Variants in IP6K2 observed in about 807,000 individuals in gnomAD.
IP6K2 encodes ATP:1D-myo-inositol-hexakisphosphate phosphotransferase.
In IP6K2, 9 loss-of-function variants were observed where a neutral mutation model predicts 43.3. The ratio of observed to expected loss-of-function variants is 0.21; its 90% CI spans 0.13 to 0.36. IP6K2 has a LOEUF of 0.36. IP6K2 is among the 10% of genes least tolerant of loss of function. The pLI is 1.00. For missense variants in IP6K2, 332 were observed against 538.4 expected, an observed-to-expected ratio of 0.62 and a Z score of 3.79; for synonymous variants, 209 against 202.4, an observed-to-expected ratio of 1.03 and a Z score of -0.28.
chr3:48,703,181 C>T (rs567736243), intron 1 of IP6K2, among the ~76,000 whole-genome samples: 1 of 152,138 alleles, frequency 6.6e-6, no homozygotes, highest in East Asian at 1.9e-4. Flanking sequence ...CAAACAAAAC[C>T]CAAGTTCTTA....
chr3:48,710,223 C>T (rs2080324934), intron 1 of IP6K2, among the ~76,000 whole-genome samples: 1 of 152,056 alleles, frequency 6.6e-6, no homozygotes, highest in South Asian at 2.1e-4. Context: ...CCTGTCTTCA[C>T]AAAAAATGTT....
chr3:48,698,173 C>G (rs987633764), intron 1 of IP6K2, among the ~76,000 whole-genome samples: 1 of 152,162 alleles, frequency 6.6e-6, no homozygotes, highest in South Asian at 2.1e-4. Context: ...CCACACAAGC[C>G]TTTTCTCTAG....
At chr3:48,693,987 T>TATGTG in intron 2 of IP6K2, 3 of 1,374,836 alleles carry the variant, frequency 2.2e-6, no homozygotes, top group South Asian at 1.8e-5. Flanking sequence ...GACGAGCGCC[T>TATGTG]TACAAACGAC....
At chr3:48,694,003 GAACACCT>G in intron 2 of IP6K2, 1 of 1,386,918 alleles carries the variant, frequency 7.2e-7, no homozygotes, top group East Asian at 2.9e-5. Context: ...ACGACTGGCT[GAACACCT>G]TTCCTCCCAG....
intron 1 of IP6K2, among the ~76,000 whole-genome samples, chr3:48,702,395 C>G (rs1029884278): frequency 6.6e-5 from 10 of 151,306 alleles, no homozygotes; most frequent in African/African-American, 2.4e-4. Flanking sequence ...CCAGATATCC[C>G]CCTTGGCTCA....
intron 1 of IP6K2, among the ~76,000 whole-genome samples, chr3:48,712,018 G>A (rs1332711006): frequency 6.6e-6 from 1 of 152,030 alleles, no homozygotes; most frequent in Non-Finnish European, 1.5e-5. Context: ...TAAACAAATG[G>A]GCATCAGAGT....
chr3:48,698,860 G>A (rs1575651721), intron 1 of IP6K2, among the ~76,000 whole-genome samples: 1 of 152,068 alleles, frequency 6.6e-6, no homozygotes. Flanking sequence ...GATCACTTGA[G>A]CCCAGGACAT....
chr3:48,695,258 G>C lies in IP6K2; in HGVS notation c.34C>G (p.Pro12Ala), dbSNP rs2078203482. 6.3e-7 allele frequency: 1 copy of C among 1,588,366 alleles called. No individual in the cohort carries two copies. The highest frequency in any genetic ancestry group is 1.1e-5 in the South Asian group (1 of 89,062). Residue 12 changes from proline to alanine, a missense_variant, in exon 2 of 6, where the codon CCC (proline) becomes GCC (alanine). Coordinates refer to ENST00000328631, the MANE Select transcript of IP6K2 (RefSeq NM_016291.4). This position sits in a 1 kb window ranked among gnomAD's most constrained non-coding sequence, Gnocchi z 4.6. ...SPAFRAMDVE[P>A]RAKGVLLEPF... ...TCCAGAAGGACGCCTTTGGCGCGGG[G>C]CTCCACATCCATGGCCCTGAAGGCT...
intron 5 of IP6K2, 75 bp downstream of exon 5, chr3:48,689,463 G>A (rs1314602106): frequency 6.8e-7 from 1 of 1,466,820 alleles, no homozygotes; most frequent in Non-Finnish European, 9.2e-7. Context: ...GGAATCTTTT[G>A]AGCAAACAGG....
At chr3:48,700,005 T>C (rs2078854674) in intron 1 of IP6K2, among the ~76,000 whole-genome samples, 1 of 152,192 alleles carries the variant, frequency 6.6e-6, no homozygotes, top group Non-Finnish European at 1.5e-5. Context: ...GCCTGGGCTA[T>C]GTAGTGAGAC....
chr3:48,696,864 G>A (rs955329724), intron 1 of IP6K2, among the ~76,000 whole-genome samples: 3 of 152,056 alleles, frequency 2.0e-5, no homozygotes, highest in African/African-American at 4.8e-5. Flanking sequence ...CTTTCTTTGA[G>A]GTAGACACTA....
intron 1 of IP6K2, chr3:48,715,477 TCAGA>T: frequency 1.3e-6 from 2 of 1,535,190 alleles, no homozygotes; most frequent in Non-Finnish European, 1.7e-6. Flanking sequence ...ATTCCACTGC[TCAGA>T]CAGATACAGG....
intron 3 of IP6K2, 132 bp from the exon 4 acceptor site, chr3:48,691,614 G>A (rs2077787118): frequency 1.6e-6 from 1 of 615,988 alleles, no homozygotes; most frequent in Non-Finnish European, 2.8e-6. Flanking sequence ...TCAGGAGTTG[G>A]AGACCAGCCT....
intron 3 of IP6K2, 66 bp downstream of exon 3, chr3:48,692,888 C>T: frequency 2.5e-6 from 3 of 1,203,054 alleles, no homozygotes; most frequent in South Asian, 2.6e-5. Flanking sequence ...GGGAACTGGG[C>T]TGTAACCAAA....
rs969879349 is a variant in IP6K2 at position 48,694,942 on chromosome 3, G to A, written c.202+148C>T. 7.0e-6 allele frequency: 11 copies of A among 1,565,076 alleles called. No individual in the cohort carries two copies. The Admixed American group carries it at 1.5e-4, about 22-fold the overall frequency. On this transcript the variant is annotated intron_variant, in intron 2 of 5. Transcript: ENST00000328631. ...TGAGGGTGTGAGATGCTGGGCTGAG[G>A]GCCAGGAGGAGGAGAAGGAGGAGAG...
chr3:48,705,884 TA>T (rs1253574762), intron 1 of IP6K2, among the ~76,000 whole-genome samples: 3 of 124,746 alleles, frequency 2.4e-5, no homozygotes, highest in African/African-American at 8.6e-5. Context: ...AATAAAAAAA[TA>T]AAAAATAATA....
At chr3:48,697,488 AT>A (rs35746542) in intron 1 of IP6K2, among the ~76,000 whole-genome samples, 641 of 64,288 alleles carry the variant, frequency 1.0e-2, no homozygotes, top group African/African-American at 0.039. Flanking sequence ...ATGCCTGGCT[AT>A]TTTTTTTTTT....
Position 48,688,876 on chromosome 3 carries a change from G to C in IP6K2, c.781-103C>G. On this transcript the variant is annotated intron_variant, in intron 5 of 5. Transcript: ENST00000328631. This position sits in a 1 kb window ranked among gnomAD's most constrained non-coding sequence, Gnocchi z 5.1. ...GGTGGTGGCGGCATGTGACAGCCCA[G>C]ATCAGATAAAGTACACCAGTTGCAC... 7.9e-7 allele frequency: 1 copy of C among 1,261,846 alleles called. No individual in the cohort carries two copies. The highest frequency in any genetic ancestry group is 1.1e-6 in the Non-Finnish European group (1 of 913,372). The allele number at this position is 1,261,846 out of a possible 1,614,324, so 78.2% of individuals were successfully genotyped here.
intron 1 of IP6K2, among the ~76,000 whole-genome samples, chr3:48,698,168 C>T (rs1251376745): frequency 6.6e-6 from 1 of 152,202 alleles, no homozygotes; most frequent in Non-Finnish European, 1.5e-5. Flanking sequence ...TCTGGCCACA[C>T]AAGCCTTTTC....
Sources: gnomAD v4.1 joint callset for allele counts (sites outside exome capture counted in the v4.1 genomes callset) on GRCh38, gnomAD v4.1.1 for gene constraint, Gnocchi (gnomAD v3.1) non-coding constraint, MANE v1.5 for transcripts, NCBI Gene and HGNC (gene_info 2026-07-23, HGNC 2026-07-21) for gene names.